CWF19L2: variants seen among roughly 807,000 people sequenced by gnomAD.
CWF19L2 encodes the protein CWF19 like cell cycle control factor 2.
Under a neutral mutation model 111.7 loss-of-function variants are expected in CWF19L2, and 98 were observed. The ratio of observed to expected loss-of-function variants is 0.88; its 90% CI spans 0.75 to 1.04. The LOEUF (loss-of-function observed/expected upper bound fraction) is 1.04, where lower values mean the gene tolerates loss of function less well. Among genes scored for constraint, CWF19L2 ranks in the 50% least tolerant of loss-of-function variants. The probability of loss-of-function intolerance (pLI) is 0.00; values close to 1 mark genes in which losing one functional copy is unlikely to be tolerated. For missense variants in CWF19L2, 1,101 were observed against 1,051.4 expected, an observed-to-expected ratio of 1.05 and a Z score of -0.65; for synonymous variants, 351 against 342.9, an observed-to-expected ratio of 1.02 and a Z score of -0.26.
At position 107,374,387 on chromosome 11, in the gene CWF19L2, T is replaced by C. The variant is rs1386115094; in HGVS notation, c.1872+15687A>G. 3.0e-5 allele frequency among the ~76,000 whole-genome samples: 4 copies of C among 133,266 alleles called. 1 individual carries two copies. Among genetic ancestry groups the C allele is most frequent in the East Asian group, 4.3e-4 (2 of 4,664 alleles). 87.4% of individuals were successfully genotyped at this position (133,266 alleles called of 152,430 possible). ...GCCAGAGAGAAAGGTTGGGTTACCC[T>C]CAAAGGGAAGCCCATCAGACTAACA... is the stretch of plus-strand genomic sequence containing the variant. On this transcript the variant is annotated intron_variant, in intron 12 of 17. Coordinates refer to ENST00000282251, the MANE Select transcript of CWF19L2 (RefSeq NM_152434.3).
At chr11:107,378,428 T>C (rs1356448228) in intron 12 of CWF19L2, among the ~76,000 whole-genome samples, 1 of 151,990 alleles carries the variant, frequency 6.6e-6, no homozygotes, top group Non-Finnish European at 1.5e-5. Context: ...CATGGAATAC[T>C]ATGCAGCCGT....
chr11:107,415,512 T>G (rs989311147), intron 10 of CWF19L2, among the ~76,000 whole-genome samples: 40 of 152,214 alleles, frequency 2.6e-4, no homozygotes, highest in African/African-American at 9.4e-4. Context: ...CACTAACAGA[T>G]AGATGAATTA....
intron 10 of CWF19L2, among the ~76,000 whole-genome samples, chr11:107,410,721 A>C (rs1861144554): frequency 6.6e-6 from 1 of 152,184 alleles, no homozygotes; most frequent in Non-Finnish European, 1.5e-5. Context: ...TCATATCCTC[A>C]AAACCGTAGG....
chr11:107,405,349 A>AG (rs1861061461), intron 10 of CWF19L2, among the ~76,000 whole-genome samples: 1 of 152,134 alleles, frequency 6.6e-6, no homozygotes, highest in Admixed American at 6.5e-5. Context: ...TTGGTTCTAT[A>AG]CTATTATTTA....
chr11:107,430,587 C>T (rs1861451829), intron 7 of CWF19L2, among the ~76,000 whole-genome samples: 1 of 152,020 alleles, frequency 6.6e-6, no homozygotes, highest in African/African-American at 2.4e-5. Context: ...AGAACAGATG[C>T]TAAAAACCAA....
At chr11:107,334,859 T>C (rs1025438706) in intron 16 of CWF19L2, 22 bp downstream of exon 16, 2 of 1,438,122 alleles carry the variant, frequency 1.4e-6, no homozygotes, top group Non-Finnish European at 2.0e-6. Flanking sequence ...TAATTTCTTT[T>C]ACCAGGAAAA....
At chr11:107,396,702 C>T (rs570304027) in intron 10 of CWF19L2, among the ~76,000 whole-genome samples, 3 of 152,112 alleles carry the variant, frequency 2.0e-5, no homozygotes, top group South Asian at 2.1e-4. Flanking sequence ...CTGGACAGAG[C>T]AGCATGCAGG....
chr11:107,353,809 AATCTGT>A (rs750483857), intron 12 of CWF19L2, 73 bp from the exon 13 acceptor site: 2 of 1,071,310 alleles, frequency 1.9e-6, no homozygotes, highest in South Asian at 2.8e-5. Context: ...TGGTATCCTA[AATCTGT>A]ATCTGTAAGT....
Position 107,334,973 on chromosome 11 carries a change from C to T in CWF19L2, c.2359-12G>A. ...TCCATTATGGCTTTCTAAGAAATAT[C>T]CATTTGTTAAGTGAAAAAAGAACAT... On this transcript the variant is annotated splice_polypyrimidine_tract_variant and intron_variant, in intron 15 of 17. Transcript: ENST00000282251. 1 of 1,545,440 alleles carries T rather than the reference C, an allele frequency of 6.5e-7. No homozygotes were observed. The highest frequency in any genetic ancestry group is 1.1e-5 in the South Asian group (1 of 87,572).
At chr11:107,422,164 C>T (rs1173778654) in intron 8 of CWF19L2, among the ~76,000 whole-genome samples, 1 of 152,048 alleles carries the variant, frequency 6.6e-6, no homozygotes, top group Non-Finnish European at 1.5e-5. Flanking sequence ...ATGCAAACTA[C>T]GGTTGACCCT....
chr11:107,438,727 G>C (rs76164629), intron 6 of CWF19L2, among the ~76,000 whole-genome samples: 2,610 of 152,126 alleles, frequency 0.017, 82 homozygotes, highest in African/African-American at 0.06. Flanking sequence ...ACGTAAACTT[G>C]GGTCATACAC....
chr11:107,388,345 T>C (rs10789621), intron 12 of CWF19L2, among the ~76,000 whole-genome samples: 42,046 of 152,056 alleles, frequency 0.28, 6,010 homozygotes, highest in Non-Finnish European at 0.32. Flanking sequence ...TGACACTAAT[T>C]AAGTCTTCAA....
At chr11:107,363,220 G>A (rs1473375175) in intron 12 of CWF19L2, among the ~76,000 whole-genome samples, 2 of 152,100 alleles carry the variant, frequency 1.3e-5, no homozygotes, top group Non-Finnish European at 2.9e-5. Context: ...AAGTGACAGG[G>A]AGAATGGAAC....
rs566612332 is a variant in CWF19L2 at position 107,422,321 on chromosome 11, T to C, written c.1434-4034A>G. ...ATACATGTGGGTTCCAACTTGAGTA[T>C]GTGCGACTTTGGAATACTTGAGTGG... is the stretch of plus-strand genomic sequence containing the variant. On this transcript the variant is annotated intron_variant, in intron 8 of 17. Coordinates refer to ENST00000282251, the MANE Select transcript of CWF19L2 (RefSeq NM_152434.3). 5.9e-5 allele frequency among the ~76,000 whole-genome samples: 9 copies of C among 152,148 alleles called. No homozygotes were observed. The East Asian group carries it at 1.7e-3, about 29-fold the overall frequency.
chr11:107,349,078 G>T lies in CWF19L2; in HGVS notation c.2086-25C>A, dbSNP rs368434567. 13 of 1,226,656 alleles carry T rather than the reference G, an allele frequency of 1.1e-5. 1 individual carries two copies. The Admixed American group carries it at 1.5e-4, about 15-fold the overall frequency. The allele number at this position is 1,226,656 out of a possible 1,614,324, so 76.0% of individuals were successfully genotyped here. A position where few individuals can be genotyped will look rare whatever the true frequency, so the allele number is the denominator to read the frequency against. ...CCTATAAGAGAGAAATACAAAAGGT[G>T]AAATGTTATTGTTATTTATATGTTA... On this transcript the variant is annotated intron_variant, in intron 13 of 17. Coordinates refer to ENST00000282251, the MANE Select transcript of CWF19L2 (RefSeq NM_152434.3).
At position 107,441,529 on chromosome 11, in the gene CWF19L2, G is replaced by T. The variant is rs994179081; in HGVS notation, c.544C>A (p.Gln182Lys). 3.3e-5 allele frequency: 51 copies of T among 1,543,338 alleles called. No homozygotes were observed. In the African/African-American group the frequency reaches 6.5e-4, roughly 20 times the overall value. The change falls in exon 5 of 18, where the codon CAA becomes AAA. Residue 182 changes from glutamine (Q) to lysine (K), a missense_variant. Coordinates refer to ENST00000282251, the MANE Select transcript of CWF19L2 (RefSeq NM_152434.3). ...TGTTCAAGCGCTTGGTTTTTCTCTTGCTCTATTTTCCTCATAGTTTCCTTT... is the reference window on the plus strand; with the variant it reads ...TGTTCAAGCGCTTGGTTTTTCTCTTTCTCTATTTTCCTCATAGTTTCCTTT... ...AEKETMRKIE[Q>K]EKNQALEQSK...
intron 12 of CWF19L2, among the ~76,000 whole-genome samples, chr11:107,381,419 G>A (rs917260776): frequency 7.9e-5 from 12 of 152,248 alleles, no homozygotes; most frequent in African/African-American, 2.9e-4. Context: ...TTTGGAAAAT[G>A]AATAAACTAA....
In CWF19L2 at chr11:107,416,211, C is replaced by T. The variant is rs1861224536; in HGVS notation, c.1615G>A (p.Glu539Lys). The change falls in exon 10 of 18, where the codon GAG becomes AAG. Residue 539 changes from glutamate (E) to lysine (K), a missense_variant and splice_region_variant. By Grantham distance (56) the Glu-to-Lys change is moderately conservative (BLOSUM62 1). Coordinates refer to ENST00000282251, the MANE Select transcript of CWF19L2 (RefSeq NM_152434.3). ...ITQIPKKSGVENEDQQEVILV... is the reference protein window; with the variant it reads ...ITQIPKKSGVKNEDQQEVILV... ...TTCTCCAAACTTTTATTACTTACCT[C>T]TACCCCAGATTTTTTTGGTATCTGT... 2 of 1,361,602 alleles carry T rather than the reference C, an allele frequency of 1.5e-6. No individual in the cohort carries two copies. Among genetic ancestry groups the T allele is most frequent in the East Asian group, 2.9e-5 (1 of 34,754 alleles). 84.3% of individuals were successfully genotyped at this position (1,361,602 alleles called of 1,614,324 possible). A position where few individuals can be genotyped will look rare whatever the true frequency, so the allele number is the denominator to read the frequency against.
chr11:107,402,751 A>C, intron 10 of CWF19L2, among the ~76,000 whole-genome samples: 1 of 151,548 alleles, frequency 6.6e-6, no homozygotes, highest in Non-Finnish European at 1.5e-5. Flanking sequence ...AAGGAAAAGA[A>C]GTCATTATTT....
Sources: allele counts gnomAD v4.1 joint callset (sites outside exome capture counted in the v4.1 genomes callset), GRCh38; gene constraint gnomAD v4.1.1; transcripts MANE v1.5; gene names NCBI Gene and HGNC (gene_info 2026-07-23, HGNC 2026-07-21).